TOP6BL: variants seen among roughly 807,000 people sequenced by gnomAD.
The protein encoded by TOP6BL is type 2 DNA topoisomerase 6 subunit B-like.
chr11:66,834,295 T>C, the TOP6BL span, among the ~76,000 whole-genome samples: 3 of 152,210 alleles, frequency 2.0e-5, no homozygotes, highest in Non-Finnish European at 4.4e-5. Context: ...CCTGGTAATA[T>C]TGTTAACACA....
At chr11:66,838,396 C>T in the TOP6BL span, 1 of 1,613,908 alleles carries the variant, frequency 6.2e-7, no homozygotes, top group Non-Finnish European at 8.5e-7. Context: ...AGGACTCAGC[C>T]CAGGGCACTG....
the TOP6BL span, among the ~76,000 whole-genome samples, chr11:66,759,358 C>G: frequency 6.6e-6 from 1 of 152,118 alleles, no homozygotes; most frequent in South Asian, 2.1e-4. Flanking sequence ...TGACAAGATA[C>G]CTAGATCACT....
chr11:66,764,224 T>G, the TOP6BL span, among the ~76,000 whole-genome samples: 90 of 152,300 alleles, frequency 5.9e-4, no homozygotes, highest in Middle Eastern at 0.014. Flanking sequence ...ATGGGCTGAC[T>G]GCTTCAAAAA....
At chr11:66,790,225 C>T in the TOP6BL span, among the ~76,000 whole-genome samples, 2 of 151,480 alleles carry the variant, frequency 1.3e-5, no homozygotes, top group South Asian at 2.1e-4. Flanking sequence ...GCCGAGATGG[C>T]GCCATTGCAC....
the TOP6BL span, among the ~76,000 whole-genome samples, chr11:66,827,224 A>G: frequency 1.5e-4 from 20 of 135,904 alleles, no homozygotes; most frequent in African/African-American, 5.2e-4. Context: ...CTAATTTTGT[A>G]TTTTCAGTAG....
the TOP6BL span, among the ~76,000 whole-genome samples, chr11:66,775,498 T>A: frequency 3.3e-5 from 5 of 152,316 alleles, no homozygotes; most frequent in Middle Eastern, 3.4e-3. Context: ...CCAGGGCCAA[T>A]GAAATGTGAG....
At chr11:66,796,908 G>A in the TOP6BL span, among the ~76,000 whole-genome samples, 1 of 150,074 alleles carries the variant, frequency 6.7e-6, no homozygotes, top group South Asian at 2.1e-4. Flanking sequence ...GCCTAGGCTA[G>A]TCTCTAACTC....
At chr11:66,839,236 A>G in the TOP6BL span, 2 of 455,656 alleles carry the variant, frequency 4.4e-6, no homozygotes, top group Non-Finnish European at 4.4e-6. Flanking sequence ...AAAATGTACT[A>G]ATGCTCTTAG....
At chr11:66,804,249 GT>G in the TOP6BL span, 1 of 1,363,010 alleles carries the variant, frequency 7.3e-7, no homozygotes, top group Non-Finnish European at 9.9e-7. Context: ...TTATATCCCA[GT>G]TTTAGGAAAG....
the TOP6BL span, among the ~76,000 whole-genome samples, chr11:66,814,850 C>T: frequency 1.3e-5 from 2 of 152,160 alleles, no homozygotes; most frequent in African/African-American, 4.8e-5. Context: ...TGTAATATTC[C>T]CATAAGCTCT....
the TOP6BL span, among the ~76,000 whole-genome samples, chr11:66,837,477 A>AC: frequency 8.1e-6 from 1 of 124,086 alleles, no homozygotes; most frequent in African/African-American, 3.2e-5. Flanking sequence ...ATGGAGTCTC[A>AC]CTCATCACCC....
chr11:66,748,846 T>C, the TOP6BL span, among the ~76,000 whole-genome samples: 56 of 149,032 alleles, frequency 3.8e-4, no homozygotes, highest in Non-Finnish European at 2.1e-4. Flanking sequence ...ACTTTTTTTT[T>C]CCCAAGTCTA....
chr11:66,752,143 T>TC, the TOP6BL span, among the ~76,000 whole-genome samples: 11 of 125,434 alleles, frequency 8.8e-5, no homozygotes, highest in Admixed American at 1.6e-4. Context: ...CCTCTCTCTC[T>TC]TTTTTTTTTT....
the TOP6BL span, chr11:66,816,328 G>T: frequency 9.3e-7 from 1 of 1,076,792 alleles, no homozygotes; most frequent in Non-Finnish European, 1.3e-6. Context: ...GAAAAACCTT[G>T]CTTAATAAAA....
chr11:66,838,712 T>C, the TOP6BL span, among the ~76,000 whole-genome samples: 1 of 152,064 alleles, frequency 6.6e-6, no homozygotes, highest in Admixed American at 6.6e-5. Flanking sequence ...AATACGCAGA[T>C]TCAGGGCCCT....
chr11:66,824,390 C>CA, the TOP6BL span, among the ~76,000 whole-genome samples: 1 of 150,062 alleles, frequency 6.7e-6, no homozygotes, highest in African/African-American at 2.4e-5. Flanking sequence ...GGATTACAGG[C>CA]ATGCACCACC....
the TOP6BL span, among the ~76,000 whole-genome samples, chr11:66,767,199 T>A: frequency 1.3e-5 from 2 of 152,226 alleles, no homozygotes; most frequent in Non-Finnish European, 2.9e-5. Context: ...TAAGTTCTTA[T>A]GTGTTTAAAA....
At chr11:66,817,736 C>CATT in the TOP6BL span, among the ~76,000 whole-genome samples, 8 of 152,040 alleles carry the variant, frequency 5.3e-5, no homozygotes, top group South Asian at 6.2e-4. Context: ...CACACCAGGC[C>CATT]ATTATTATTA....
chr11:66,821,482 T>C, the TOP6BL span, among the ~76,000 whole-genome samples: 15 of 151,902 alleles, frequency 9.9e-5, no homozygotes, highest in Admixed American at 9.8e-4. Context: ...GGAGACGGGG[T>C]TTCACCGTGG....
Sources: allele counts gnomAD v4.1 joint callset (sites outside exome capture counted in the v4.1 genomes callset), GRCh38; gene constraint gnomAD v4.1.1; transcripts MANE v1.5; gene names NCBI Gene and HGNC (gene_info 2026-07-23, HGNC 2026-07-21).